The following TRIM22 variants were observed in gnomAD, a reference collection of about 807,000 sequenced individuals.
TRIM22 encodes the protein E3 ubiquitin-protein ligase TRIM22.
Under a neutral mutation model 53.6 loss-of-function variants are expected in TRIM22, and 45 were observed. That is an observed-to-expected ratio of 0.84 (90% CI 0.66 to 1.08). The LOEUF is 1.08. Ranked by LOEUF, TRIM22 falls within the 50% of genes least tolerant of loss-of-function variation. The probability of loss-of-function intolerance (pLI) is 0.00; values close to 1 mark genes in which losing one functional copy is unlikely to be tolerated. For synonymous variants in TRIM22, 225 were observed against 216.6 expected, an observed-to-expected ratio of 1.04 and a Z score of -0.34; for missense variants, 616 against 590.9, an observed-to-expected ratio of 1.04 and a Z score of -0.44.
At position 5,696,367 on chromosome 11, in the gene TRIM22, G is replaced by T. The variant is rs991561771; in HGVS notation, c.135G>T (p.Glu45Asp). The change falls in exon 2 of 8, where the codon GAG (glutamate) becomes GAT (aspartate). Residue 45 changes from glutamate to aspartate, a missense_variant. Glu to Asp is a conservative substitution (Grantham distance 45, BLOSUM62 2). Coordinates refer to ENST00000379965, the MANE Select transcript of TRIM22 (RefSeq NM_006074.5). ...CCTGCATCACTGCAAAGATCAAGGA[G>T]TCAGTGATCATCTCAAGAGGGGAAA... ...CQACITAKIK[E>D]SVIISRGESS... is the part of the protein sequence containing the mutation. The T allele has an allele frequency of 6.2e-7, 1 of 1,614,140 alleles. No individual in the cohort carries two copies. Among genetic ancestry groups the T allele is most frequent in the African/African-American group, 1.3e-5 (1 of 74,956 alleles).
chr11:5,707,507 A>G (rs993148564), intron 5 of TRIM22, among the ~76,000 whole-genome samples: 1 of 152,150 alleles, frequency 6.6e-6, no homozygotes, highest in Non-Finnish European at 1.5e-5. Flanking sequence ...GAGGCACTGA[A>G]TATCTTTTAA....
rs747656932 is a variant in TRIM22, at chr11:5,706,591, C to T, written c.751-3C>T. 4 of 1,611,864 alleles carry T rather than the reference C, an allele frequency of 2.5e-6. No homozygotes were observed. In the South Asian group the frequency reaches 4.4e-5, roughly 18 times the overall value. On this transcript the variant is annotated splice_region_variant and splice_polypyrimidine_tract_variant and intron_variant, in intron 4 of 7. Transcript: ENST00000379965. ...TGACTCATGTTTTCTATCTTTTCCC[C>T]AGGATGTGATTGACGTCATGAAAAG...
chr11:5,704,739 T>C (rs1031988894), intron 4 of TRIM22, among the ~76,000 whole-genome samples: 1 of 152,208 alleles, frequency 6.6e-6, no homozygotes, highest in African/African-American at 2.4e-5. Flanking sequence ...ATTTTCCCCT[T>C]TTCTTCTAGG....
intron 1 of TRIM22, among the ~76,000 whole-genome samples, chr11:5,690,143 T>C (rs961131019): frequency 1.3e-5 from 2 of 152,204 alleles, no homozygotes; most frequent in Non-Finnish European, 2.9e-5. Flanking sequence ...GACCATTCAT[T>C]TCTTCAATCT....
chr11:5,709,870 T>C lies in TRIM22; in HGVS notation c.*222T>C. On this transcript the variant is annotated 3_prime_UTR_variant, in exon 8 of 8. Transcript: ENST00000379965. ...CGTACTGTGGGCTGGAAATCCCAAA[T>C]CTAGATTCCAGCAGAGTTGGTTCTT... 1 of 528,992 alleles carries C rather than the reference T, an allele frequency of 1.9e-6. No homozygotes were observed. Among genetic ancestry groups the C allele is most frequent in the Non-Finnish European group, 3.3e-6 (1 of 300,340 alleles). 32.8% of individuals were successfully genotyped at this position (528,992 alleles called of 1,614,324 possible). A position where few individuals can be genotyped will look rare whatever the true frequency, so the allele number is the denominator to read the frequency against.
intron 4 of TRIM22, among the ~76,000 whole-genome samples, chr11:5,699,867 G>T (rs561060452): frequency 6.6e-6 from 1 of 150,836 alleles, no homozygotes; most frequent in South Asian, 2.1e-4. Context: ...TTTTTAAAGA[G>T]TTTTTTCTGT....
At position 5,698,417 on chromosome 11, in the gene TRIM22, G is replaced by A. The variant is rs1371407332; in HGVS notation, c.622G>A (p.Gly208Ser). The change falls in exon 4 of 8, where the codon GGT becomes AGT. Residue 208 changes from glycine to serine, a missense_variant. Transcript: ENST00000379965. ...EQRELQKLEE[G>S]EVNVLDNLAA... ...GAGAGAGCTGCAAAAGCTGGAGGAAGGTGAGGTGAATGTGCTGGATAACCT... is the reference window on the plus strand; with the variant it reads ...GAGAGAGCTGCAAAAGCTGGAGGAAAGTGAGGTGAATGTGCTGGATAACCT... The A allele has an allele frequency of 6.2e-7, 1 of 1,614,216 alleles. No homozygotes were observed.
chr11:5,694,980 T>A (rs1853234140), intron 1 of TRIM22, among the ~76,000 whole-genome samples: 1 of 152,164 alleles, frequency 6.6e-6, no homozygotes, highest in African/African-American at 2.4e-5. Flanking sequence ...GATTAAAAGG[T>A]CTAATCATCT....
intron 1 of TRIM22, chr11:5,690,939 C>G (rs907501190): frequency 2.0e-5 from 3 of 152,254 alleles, no homozygotes; most frequent in African/African-American, 7.2e-5. Flanking sequence ...TATCCTTTTA[C>G]TTGCCTTCTG....
intron 1 of TRIM22, 105 bp from the exon 2 acceptor site, chr11:5,696,059 TCTC>T (rs2134173539): frequency 5.6e-6 from 3 of 535,582 alleles, no homozygotes; most frequent in African/African-American, 1.9e-5. Flanking sequence ...GCCTTTCTTT[TCTC>T]CTTTCTCTGT....
At position 5,696,397 on chromosome 11, in the gene TRIM22, C is replaced by A. The variant is rs766105060; in HGVS notation, c.165C>A (p.Ser55Arg). The change falls in exon 2 of 8, where the codon AGC becomes AGA. Residue 55 changes from serine to arginine, a missense_variant. Transcript: ENST00000379965. ...TGATCATCTCAAGAGGGGAAAGCAG[C>A]TGTCCTGTGTGTCAGACCAGATTCC... is the stretch of plus-strand genomic sequence containing the variant. The part of the protein sequence containing the change: ...ESVIISRGES[S>R]CPVCQTRFQP... The A allele has an allele frequency of 1.2e-6, 2 of 1,614,260 alleles. No homozygotes were observed. The highest frequency in any genetic ancestry group is 3.3e-5 in the Admixed American group (2 of 60,030).
chr11:5,691,079 G>A (rs1853164864), intron 1 of TRIM22: 1 of 152,332 alleles, frequency 6.6e-6, no homozygotes, highest in Non-Finnish European at 1.5e-5. Flanking sequence ...TCTTGTCTCT[G>A]AAGGTCCAGT....
At chr11:5,695,825 T>G (rs947305230) in intron 1 of TRIM22, among the ~76,000 whole-genome samples, 6 of 152,158 alleles carry the variant, frequency 3.9e-5, no homozygotes, top group African/African-American at 1.4e-4. Context: ...GTTTAGTGCA[T>G]TTAACATGGA....
Position 5,710,525 on chromosome 11 carries a change from T to C in TRIM22, c.*877T>C, listed in dbSNP as rs1853543211. 1 of 152,216 alleles carries C rather than the reference T, an allele frequency of 6.6e-6. No homozygotes were observed. The highest frequency in any genetic ancestry group is 1.5e-5 in the Non-Finnish European group (1 of 68,024). 9.4% of individuals were successfully genotyped at this position (152,216 alleles called of 1,614,324 possible). A position where few individuals can be genotyped will look rare whatever the true frequency, so the allele number is the denominator to read the frequency against. ...AATTAAAGCAAGAAGTCCATAGTAA[T>C]TTATTTGCTAATAGTGGATTTTTAA... is the stretch of plus-strand genomic sequence containing the variant. On this transcript the variant is annotated 3_prime_UTR_variant, in exon 8 of 8. Transcript: ENST00000379965.
chr11:5,696,092 C>T, intron 1 of TRIM22, 75 bp from the exon 2 acceptor site: 11 of 668,330 alleles, frequency 1.6e-5, no homozygotes, highest in South Asian at 2.7e-5. Context: ...ATGTTTTGTC[C>T]TGTTCTAAAT....
chr11:5,690,832 T>G (rs1003951827), intron 1 of TRIM22, among the ~76,000 whole-genome samples: 2 of 152,238 alleles, frequency 1.3e-5, no homozygotes, highest in African/African-American at 4.8e-5. Context: ...AACCTCATGA[T>G]GAGGTTCAGC....
At chr11:5,696,987 T>C in intron 2 of TRIM22, 1 of 504,244 alleles carries the variant, frequency 2.0e-6, no homozygotes, top group South Asian at 3.4e-5. Context: ...AAAGGACGTC[T>C]TTCCTTACTG....
chr11:5,696,920 C>T (rs904646507), intron 2 of TRIM22: 10 of 522,142 alleles, frequency 1.9e-5, no homozygotes, highest in Admixed American at 3.6e-5. Flanking sequence ...ATTGCCCCTC[C>T]AAGAAGAACA....
At chr11:5,694,007 C>G (rs1853218928) in intron 1 of TRIM22, among the ~76,000 whole-genome samples, 1 of 152,162 alleles carries the variant, frequency 6.6e-6, no homozygotes, top group Non-Finnish European at 1.5e-5. Context: ...TCACCCTGAT[C>G]TCTGCTTTCT....
Sources: gnomAD v4.1 joint callset for allele counts (sites outside exome capture counted in the v4.1 genomes callset) on GRCh38, gnomAD v4.1.1 for gene constraint, MANE v1.5 for transcripts, NCBI Gene and HGNC (gene_info 2026-07-23, HGNC 2026-07-21) for gene names.